The following PPARGC1B variants were observed in gnomAD, a reference collection of about 807,000 sequenced individuals.
The protein encoded by PPARGC1B is PPARG coactivator 1 beta, also known as peroxisome proliferator-activated receptor gamma coactivator 1-beta.
A neutral mutation model predicts 101.6 loss-of-function variants in PPARGC1B; 34 were observed. The observed-to-expected ratio is 0.33, with a 90% CI of 0.25 to 0.45. The LOEUF (loss-of-function observed/expected upper bound fraction) is 0.45. Among genes scored for constraint, PPARGC1B ranks in the 20% least tolerant of loss-of-function variants. The probability of loss-of-function intolerance (pLI) is 1.00; values close to 1 mark genes in which losing one functional copy is unlikely to be tolerated. For missense variants in PPARGC1B, 1,234 were observed against 1,317.6 expected, an observed-to-expected ratio of 0.94 and a Z score of 0.98; for synonymous variants, 548 against 539.3, an observed-to-expected ratio of 1.02 and a Z score of -0.22.
intron 1 of PPARGC1B, among the ~76,000 whole-genome samples, chr5:149,767,950 A>G (rs952223948): frequency 2.0e-5 from 3 of 151,946 alleles, no homozygotes; most frequent in East Asian, 1.9e-4. Flanking sequence ...ATAATTATCA[A>G]CTCACCATAA....
At chr5:149,735,009 C>T (rs1017322996) in intron 1 of PPARGC1B, among the ~76,000 whole-genome samples, 12 of 152,214 alleles carry the variant, frequency 7.9e-5, no homozygotes, top group African/African-American at 2.7e-4. Flanking sequence ...TGGCTCCACA[C>T]ACCCCTTGAA....
chr5:149,776,822 T>C (rs1756376853), intron 1 of PPARGC1B, among the ~76,000 whole-genome samples: 1 of 152,244 alleles, frequency 6.6e-6, no homozygotes. Flanking sequence ...GGTTCTCAGT[T>C]GACAATGGAA....
chr5:149,834,697 G>A lies in PPARGC1B; in HGVS notation c.1729G>A (p.Ala577Thr), dbSNP rs752539302. The A allele has an allele frequency of 6.2e-7, 1 of 1,613,422 alleles. No homozygotes were observed. Among genetic ancestry groups the A allele is most frequent in the Non-Finnish European group, 8.5e-7 (1 of 1,179,398 alleles). Residue 577 changes from alanine to threonine, a missense_variant, in exon 6 of 12, where the codon GCC (alanine) becomes ACC (threonine). Ala to Thr is a moderately conservative substitution (Grantham distance 58). This residue lies in a region of PPARGC1B where 734 missense variants were observed against 768.4 expected (regional missense o/e 0.96). Transcript: ENST00000309241. ...PRDSPRCLML[A>T]LSQSDPTFGK... ...AGACTCTCCCAGGTGCCTCATGCTG[G>A]CCTTGTCACAAAGGTAGATTTTTAG...
chr5:149,802,059 AC>A (rs1757447755), intron 1 of PPARGC1B, among the ~76,000 whole-genome samples: 1 of 151,782 alleles, frequency 6.6e-6, no homozygotes, highest in East Asian at 1.9e-4. Context: ...CCCGTCCCTG[AC>A]CCCCGAGCTC....
intron 9 of PPARGC1B, 100 bp from the exon 10 acceptor site, chr5:149,842,156 A>T (rs1759368894): frequency 6.8e-7 from 1 of 1,464,502 alleles, no homozygotes; most frequent in Non-Finnish European, 9.3e-7. Flanking sequence ...TCAGCCAGGC[A>T]TCATGGACTA....
intron 1 of PPARGC1B, among the ~76,000 whole-genome samples, chr5:149,808,943 T>C (rs576196885): frequency 3.0e-4 from 45 of 152,186 alleles, no homozygotes; most frequent in African/African-American, 1.0e-3. Context: ...TGCATAGCAA[T>C]GTGGGTGTAC....
chr5:149,738,847 G>A (rs1348051509), intron 1 of PPARGC1B, among the ~76,000 whole-genome samples: 1 of 152,192 alleles, frequency 6.6e-6, no homozygotes, highest in African/African-American at 2.4e-5. Flanking sequence ...CGCTCGCCTC[G>A]GCCTCCCAAA....
At chr5:149,838,340 C>T (rs543506029) in intron 8 of PPARGC1B, among the ~76,000 whole-genome samples, 30 of 152,232 alleles carry the variant, frequency 2.0e-4, no homozygotes, top group African/African-American at 6.7e-4. Flanking sequence ...AAGTGAGGTC[C>T]GCAGCAATTT....
chr5:149,754,074 G>T (rs1441520548), intron 1 of PPARGC1B, among the ~76,000 whole-genome samples: 2 of 152,198 alleles, frequency 1.3e-5, no homozygotes, highest in Non-Finnish European at 2.9e-5. Flanking sequence ...CTGTAGAAAT[G>T]CATAAGAAGT....
At chr5:149,808,231 CTGAG>C (rs1757673792) in intron 1 of PPARGC1B, among the ~76,000 whole-genome samples, 1 of 152,086 alleles carries the variant, frequency 6.6e-6, no homozygotes. Context: ...ACCTTGATGA[CTGAG>C]TATTTTGATG....
At chr5:149,793,161 C>G (rs1333194396) in intron 1 of PPARGC1B, among the ~76,000 whole-genome samples, 3 of 152,084 alleles carry the variant, frequency 2.0e-5, no homozygotes, top group African/African-American at 4.8e-5. Flanking sequence ...GGTGGACTTT[C>G]CCTCACACAG....
chr5:149,811,258 AC>A (rs1193224119), intron 1 of PPARGC1B, among the ~76,000 whole-genome samples: 1 of 152,140 alleles, frequency 6.6e-6, no homozygotes, highest in African/African-American at 2.4e-5. Flanking sequence ...TGGATCAAGA[AC>A]TTTGACTCTT....
At position 149,818,041 on chromosome 5, in the gene PPARGC1B, G is replaced by A. The variant is rs147727500; in HGVS notation, c.79-2392G>A. 2.2e-3 allele frequency among the ~76,000 whole-genome samples: 332 copies of A among 152,322 alleles called. 2 individuals carry two copies. The highest frequency in any genetic ancestry group is 7.7e-3 in the African/African-American group (321 of 41,578). ...CGAAGGAGAAAGAAGCTCCCAAGAG[G>A]CAGCTGAGAGAATCCACCTGAGTTC... On this transcript the variant is annotated intron_variant, in intron 1 of 11. Coordinates refer to ENST00000309241, the MANE Select transcript of PPARGC1B (RefSeq NM_133263.4).
chr5:149,762,036 C>G (rs775239524), intron 1 of PPARGC1B, among the ~76,000 whole-genome samples: 2 of 152,126 alleles, frequency 1.3e-5, no homozygotes, highest in African/African-American at 4.8e-5. Context: ...ATCCTCTTCT[C>G]TGGCCAGACC....
At position 149,822,310 on chromosome 5, in the gene PPARGC1B, C is replaced by T. The variant is rs992969225; in HGVS notation, c.252+1704C>T. On this transcript the variant is annotated intron_variant, in intron 2 of 11. Transcript: ENST00000309241. The stretch of plus-strand genomic sequence containing the variant: ...ATGAGGTCCTACTAATGCTTTCAGG[C>T]ACAAGTAAGCTTGGTGCGGCCCCAG... Among the ~76,000 whole-genome samples, 7 of 152,172 alleles carry T rather than the reference C, an allele frequency of 4.6e-5. No individual in the cohort carries two copies. The South Asian group carries it at 1.0e-3, about 23-fold the overall frequency.
chr5:149,831,666 C>T (rs1223032899), intron 4 of PPARGC1B, among the ~76,000 whole-genome samples: 4 of 152,190 alleles, frequency 2.6e-5, no homozygotes, highest in Non-Finnish European at 5.9e-5. Flanking sequence ...GCTGTTTGCC[C>T]TCTGGGAGCC....
intron 1 of PPARGC1B, among the ~76,000 whole-genome samples, chr5:149,772,845 G>A (rs1270320343): frequency 6.6e-6 from 1 of 152,132 alleles, no homozygotes; most frequent in African/African-American, 2.4e-5. Context: ...TGGCGGTGGT[G>A]GTGATTCCTC....
chr5:149,806,747 A>G lies in PPARGC1B; in HGVS notation c.79-13686A>G, dbSNP rs528593844. ...CTCAGCCTCTCGAGTAGCTGGGATT[A>G]TAGGCACCCACCACCATGCCCAGCT... On this transcript the variant is annotated intron_variant, in intron 1 of 11. Coordinates refer to ENST00000309241, the MANE Select transcript of PPARGC1B (RefSeq NM_133263.4). Among the ~76,000 whole-genome samples the G allele has an allele frequency of 1.5e-3, 220 of 151,704 alleles. 1 individual carries two copies. The highest frequency in any genetic ancestry group is 2.8e-3 in the Non-Finnish European group (193 of 67,914).
At chr5:149,749,686 G>A (rs566002164) in intron 1 of PPARGC1B, among the ~76,000 whole-genome samples, 2 of 152,318 alleles carry the variant, frequency 1.3e-5, no homozygotes, top group Admixed American at 1.3e-4. Context: ...GAGTGTCATG[G>A]TGAGAATATT....
Sources: gnomAD v4.1 joint callset for allele counts (sites outside exome capture counted in the v4.1 genomes callset) on GRCh38, gnomAD v4.1.1 for gene constraint, gnomAD v4.1.1 regional missense constraint, MANE v1.5 for transcripts, NCBI Gene and HGNC (gene_info 2026-07-23, HGNC 2026-07-21) for gene names.